Variants in KCNH5 observed in about 807,000 individuals in gnomAD.
KCNH5 encodes the protein potassium voltage-gated channel subfamily H member 5, also known as voltage-gated delayed rectifier potassium channel KCNH5.
In KCNH5, 46 loss-of-function variants were observed where a neutral mutation model predicts 96.1. That is an observed-to-expected ratio of 0.48 (90% CI 0.38 to 0.61). KCNH5 has a LOEUF of 0.61. Ranked by LOEUF, KCNH5 falls within the 20% of genes least tolerant of loss-of-function variation. KCNH5 has a pLI of 0.00. For synonymous variants in KCNH5, 439 were observed against 449.8 expected, an observed-to-expected ratio of 0.98 and a Z score of 0.30; for missense variants, 907 against 1,225.8, an observed-to-expected ratio of 0.74 and a Z score of 3.88.
rs768219661 is a variant in KCNH5 at position 62,834,945 on chromosome 14, G to A, written c.1569+14708C>T. 5.9e-5 allele frequency among the ~76,000 whole-genome samples: 9 copies of A among 151,880 alleles called. 1 individual carries two copies. The highest frequency in any genetic ancestry group is 3.3e-4 in the Admixed American group (5 of 15,214). On this transcript the variant is annotated intron_variant, in intron 8 of 10. Coordinates refer to ENST00000322893, the MANE Select transcript of KCNH5 (RefSeq NM_139318.5). ...ATAAAAGCTAAACTGTTTACTATCC[G>A]GCCCTTTAGAGAAAAAATTTTCTGA...
intron 4 of KCNH5, among the ~76,000 whole-genome samples, chr14:62,997,883 G>T (rs1483292493): frequency 8.2e-6 from 1 of 122,320 alleles, no homozygotes; most frequent in Non-Finnish European, 1.6e-5. Context: ...CTGGGGGACA[G>T]AGCCAGACTC....
At position 62,702,386 on chromosome 14, in the gene KCNH5, G is replaced by T; in HGVS notation, c.*5122C>A. The T allele has an allele frequency of 6.6e-6, 1 of 151,922 alleles. No homozygotes were observed. Among genetic ancestry groups the T allele is most frequent in the African/African-American group, 2.4e-5 (1 of 41,396 alleles). 9.4% of individuals were successfully genotyped at this position (151,922 alleles called of 1,614,324 possible). On this transcript the variant is annotated 3_prime_UTR_variant, in exon 11 of 11. Transcript: ENST00000322893. ...AGAAATCTTTAAAAGTATGTGTCTG[G>T]AAAAACCTAGACTAGATGGTTGAAC...
intron 2 of KCNH5, among the ~76,000 whole-genome samples, chr14:63,010,446 T>C (rs1891203741): frequency 6.6e-6 from 1 of 152,200 alleles, no homozygotes; most frequent in Non-Finnish European, 1.5e-5. Flanking sequence ...AAAGGCAGTG[T>C]GTCACTGTGT....
chr14:62,866,296 C>T (rs1273761061), intron 7 of KCNH5, among the ~76,000 whole-genome samples: 1 of 152,084 alleles, frequency 6.6e-6, no homozygotes, highest in Admixed American at 6.5e-5. Context: ...ATAAAATTAT[C>T]CCCACCTTTC....
chr14:63,009,970 C>T (rs77518521), intron 2 of KCNH5, among the ~76,000 whole-genome samples: 1,845 of 152,238 alleles, frequency 0.012, 29 homozygotes, highest in African/African-American at 0.032. Flanking sequence ...ACCAAATATC[C>T]TCAAGGAATA....
intron 6 of KCNH5, among the ~76,000 whole-genome samples, chr14:62,966,186 C>T (rs1035981341): frequency 8.5e-5 from 13 of 152,146 alleles, no homozygotes; most frequent in Admixed American, 8.5e-4. Context: ...TCTGAAAGTG[C>T]ACACTGGGCA....
intron 10 of KCNH5, among the ~76,000 whole-genome samples, chr14:62,710,866 C>A (rs929413772): frequency 2.6e-5 from 4 of 152,164 alleles, no homozygotes; most frequent in Non-Finnish European, 5.9e-5. Flanking sequence ...TATCCTTTAA[C>A]AAATATTCTT....
intron 7 of KCNH5, among the ~76,000 whole-genome samples, chr14:62,946,434 T>A (rs907274705): frequency 7.9e-5 from 12 of 152,098 alleles, no homozygotes; most frequent in African/African-American, 2.9e-4. Context: ...CCTGGGCACT[T>A]ATCCCAGAGA....
At chr14:63,030,820 G>C (rs568319126) in intron 1 of KCNH5, among the ~76,000 whole-genome samples, 7 of 152,300 alleles carry the variant, frequency 4.6e-5, no homozygotes, top group African/African-American at 1.7e-4. Flanking sequence ...CAGATGCTCT[G>C]AACTGACTCC....
At chr14:63,000,533 C>A (rs547916942) in intron 4 of KCNH5, among the ~76,000 whole-genome samples, 2 of 152,158 alleles carry the variant, frequency 1.3e-5, no homozygotes, top group African/African-American at 2.4e-5. Flanking sequence ...AGTCACTCTC[C>A]TGAAGACAAA....
intron 7 of KCNH5, among the ~76,000 whole-genome samples, chr14:62,909,930 T>C (rs941447683): frequency 9.9e-5 from 15 of 152,242 alleles, no homozygotes; most frequent in Admixed American, 8.5e-4. Context: ...TTATTATATG[T>C]ATTGGTTTTT....
intron 6 of KCNH5, among the ~76,000 whole-genome samples, chr14:62,962,371 T>C (rs1890230000): frequency 6.6e-6 from 1 of 152,184 alleles, no homozygotes; most frequent in Non-Finnish European, 1.5e-5. Flanking sequence ...CTATCTCTGA[T>C]GCAATAGCGT....
chr14:62,786,412 A>G (rs1419687874), intron 9 of KCNH5, among the ~76,000 whole-genome samples: 1 of 152,140 alleles, frequency 6.6e-6, no homozygotes, highest in Non-Finnish European at 1.5e-5. Flanking sequence ...TATTGTATAT[A>G]CTTGAGATTT....
intron 9 of KCNH5, among the ~76,000 whole-genome samples, chr14:62,784,923 A>G (rs891556222): frequency 3.9e-5 from 6 of 152,040 alleles, no homozygotes; most frequent in African/African-American, 1.5e-4. Flanking sequence ...AACTCATGAT[A>G]AACTTTATTT....
intron 2 of KCNH5, among the ~76,000 whole-genome samples, chr14:63,014,304 G>A (rs545623829): frequency 2.6e-5 from 4 of 152,124 alleles, no homozygotes; most frequent in East Asian, 1.9e-4. Context: ...CCTAGGTTAC[G>A]GTTTATTGCA....
intron 6 of KCNH5, 43 bp downstream of exon 6, chr14:62,980,829 T>C: frequency 6.3e-7 from 1 of 1,584,168 alleles, no homozygotes; most frequent in Non-Finnish European, 8.6e-7. Context: ...GTTTTCAAAA[T>C]ATATGACCCA....
At chr14:62,844,344 T>C (rs1031193429) in intron 8 of KCNH5, among the ~76,000 whole-genome samples, 1 of 152,234 alleles carries the variant, frequency 6.6e-6, no homozygotes, top group Non-Finnish European at 1.5e-5. Flanking sequence ...GGTCTACACA[T>C]TGTTTTACAG....
At chr14:62,771,482 G>A (rs185785351) in intron 10 of KCNH5, among the ~76,000 whole-genome samples, 22 of 152,100 alleles carry the variant, frequency 1.4e-4, no homozygotes, top group South Asian at 4.2e-4. Context: ...AAAATTAGCC[G>A]GGCATGGTGG....
At chr14:62,761,372 A>G (rs1164350382) in intron 10 of KCNH5, among the ~76,000 whole-genome samples, 1 of 145,680 alleles carries the variant, frequency 6.9e-6, no homozygotes, top group Non-Finnish European at 1.5e-5. Flanking sequence ...AAAAAAAAAA[A>G]GGATTATGGT....
Sources: allele counts gnomAD v4.1 joint callset (sites outside exome capture counted in the v4.1 genomes callset), GRCh38; gene constraint gnomAD v4.1.1; transcripts MANE v1.5; gene names NCBI Gene and HGNC (gene_info 2026-07-23, HGNC 2026-07-21).